AP3B2: variants seen among roughly 807,000 people sequenced by gnomAD.
The protein encoded by AP3B2 is AP-3 complex subunit beta-2.
AP3B2 carries 50 observed loss-of-function variants against 126.9 expected under a neutral mutation model. The observed-to-expected ratio is 0.39, with a 90% CI of 0.31 to 0.50. AP3B2 has a LOEUF of 0.50. Among genes scored for constraint, AP3B2 ranks in the 20% least tolerant of loss-of-function variants. The probability of loss-of-function intolerance (pLI) is 0.79; values close to 1 mark genes in which losing one functional copy is unlikely to be tolerated. For synonymous variants in AP3B2, 541 were observed against 565.0 expected (o/e 0.96, Z 0.60); for missense variants, 1,177 against 1,426.4 (o/e 0.83, Z 2.82).
chr15:82,699,549 G>T lies in AP3B2; in HGVS notation c.113+10045C>A, dbSNP rs189331871. 287 of 399,096 alleles carry T rather than the reference G, an allele frequency of 7.2e-4. 1 individual carries two copies. Among genetic ancestry groups the T allele is most frequent in the African/African-American group, 5.4e-3 (263 of 48,752 alleles). The allele number at this position is 399,096 out of a possible 1,614,324, so 24.7% of individuals were successfully genotyped here. The stretch of plus-strand genomic sequence containing the variant: ...GCCTCCATCAGAGGAGGTGGGACCG[G>T]AAGAGGTCTGGGCTGAGAGTGCAAC... On this transcript the variant is annotated intron_variant, in intron 1 of 26. Coordinates refer to ENST00000535359, the MANE Select transcript of AP3B2 (RefSeq NM_001278512.2).
At chr15:82,703,639 TC>T (rs2048754054) in intron 1 of AP3B2, among the ~76,000 whole-genome samples, 1 of 152,142 alleles carries the variant, frequency 6.6e-6, no homozygotes, top group Non-Finnish European at 1.5e-5. Context: ...GATTTTTCCA[TC>T]CTACAAGATC....
intron 21 of AP3B2, 163 bp downstream of exon 21, chr15:82,663,397 C>T: frequency 1.0e-6 from 1 of 1,001,412 alleles, no homozygotes; most frequent in Non-Finnish European, 1.5e-6. Context: ...AACCCCAGAC[C>T]TGGGGAGGTC....
At chr15:82,692,030 G>A in intron 1 of AP3B2, 1 of 1,471,954 alleles carries the variant, frequency 6.8e-7, no homozygotes, top group Non-Finnish European at 9.4e-7. Flanking sequence ...GCTGCCTGAG[G>A]AAGTCCTGAA....
Position 82,659,752 on chromosome 15 carries a change from T to G in AP3B2, c.3156-42A>C, listed in dbSNP as rs139753266. 2.3e-3 allele frequency: 3,777 copies of G among 1,610,652 alleles called. 15 individuals carry two copies. Among genetic ancestry groups the G allele is most frequent in the Middle Eastern group, 0.019 (114 of 6,050 alleles). Reference sequence around the variant, plus strand: ...AGGGGTGAGGAAGAGCTGCTAAGGGTGACTGTGTTTGGAAGGGGATCAGCA... The same window carrying G: ...AGGGGTGAGGAAGAGCTGCTAAGGGGGACTGTGTTTGGAAGGGGATCAGCA... On this transcript the variant is annotated intron_variant, in intron 26 of 26. Coordinates refer to ENST00000535359, the MANE Select transcript of AP3B2 (RefSeq NM_001278512.2).
At position 82,659,353 on chromosome 15, in the gene AP3B2, T is replaced by G. The variant is rs1283913352; in HGVS notation, c.*207A>C. 9 of 548,552 alleles carry G rather than the reference T, an allele frequency of 1.6e-5. No individual in the cohort carries two copies. Among genetic ancestry groups the G allele is most frequent in the Non-Finnish European group, 2.8e-5 (9 of 316,858 alleles). 34.0% of individuals were successfully genotyped at this position (548,552 alleles called of 1,614,324 possible). On this transcript the variant is annotated 3_prime_UTR_variant, in exon 27 of 27. Transcript: ENST00000535359. ...ATCTGGGAGGACTGAAGGGAGTGGC[T>G]GCCATCTCTCTCTGCACAGATCACT...
intron 1 of AP3B2, chr15:82,691,697 T>C: frequency 6.8e-6 from 10 of 1,469,034 alleles, no homozygotes; most frequent in Non-Finnish European, 9.1e-6. Context: ...ACCTAAAAAA[T>C]AAAGAAAAAA....
chr15:82,670,089 A>T (rs2048126622), intron 14 of AP3B2, among the ~76,000 whole-genome samples: 1 of 138,148 alleles, frequency 7.2e-6, no homozygotes, highest in Non-Finnish European at 1.5e-5. Context: ...AAAAAAAAAA[A>T]AAATCAGTGG....
At position 82,659,719 on chromosome 15, in the gene AP3B2, G is replaced by C. The variant is rs1266081456; in HGVS notation, c.3156-9C>G. ...GTGTCCTCCCTGCAAACCTGAGGTG[G>C]GAATAGAAGGGGTGAGGAAGAGCTG... On this transcript the variant is annotated splice_polypyrimidine_tract_variant and intron_variant, in intron 26 of 26. Coordinates refer to ENST00000535359, the MANE Select transcript of AP3B2 (RefSeq NM_001278512.2). The C allele has an allele frequency of 2.5e-6, 4 of 1,613,538 alleles. No homozygotes were observed. The highest frequency in any genetic ancestry group is 3.4e-6 in the Non-Finnish European group (4 of 1,179,700).
In AP3B2 at chr15:82,680,683, AC is replaced by A; in HGVS notation, c.843del (p.Ser282LeufsTer40). On this transcript the variant is annotated frameshift_variant, in exon 8 of 27. Coordinates refer to ENST00000535359, the MANE Select transcript of AP3B2 (RefSeq NM_001278512.2). LOFTEE classifies it high-confidence loss of function. This position sits in a 1 kb window ranked among gnomAD's most constrained non-coding sequence, Gnocchi z 6.1. ...GCGGCCGCGGCGGCCGTCTCCTCAG[AC>A]CCCGCGCCCTTGGCCTCGTCCTCCT... ...GSEEDEAKGA[G>X]SEETAAAAAP... 1 of 1,575,586 alleles carries A rather than the reference AC, an allele frequency of 6.3e-7. No individual in the cohort carries two copies.
At chr15:82,661,439 C>T (rs1296581963) in intron 25 of AP3B2, among the ~76,000 whole-genome samples, 1 of 152,232 alleles carries the variant, frequency 6.6e-6, no homozygotes, top group African/African-American at 2.4e-5. Context: ...AGCCCACCAC[C>T]TATATGGCCC....
chr15:82,664,483 C>T lies in AP3B2; in HGVS notation c.2145G>A (p.Glu715=), dbSNP rs1269393712. 2 of 1,613,352 alleles carry T rather than the reference C, an allele frequency of 1.2e-6. No individual in the cohort carries two copies. Among genetic ancestry groups the T allele is most frequent in the Admixed American group, 3.3e-5 (2 of 59,950 alleles). The change falls in exon 19 of 27, where the codon GAG becomes GAA. Residue 715 remains glutamate (E), a synonymous_variant. Coordinates refer to ENST00000535359, the MANE Select transcript of AP3B2 (RefSeq NM_001278512.2). This position sits in a 1 kb window ranked among gnomAD's most constrained non-coding sequence, Gnocchi z 4.5. ...TCTTACTGTCCGATTCACTCTCAGA[C>T]TCAGGGTCTGTGGAGGAACAATATG... The part of the protein sequence containing the change: ...GPTESADSDP[E]SESESDSKSS...
chr15:82,671,519 G>A (rs541918827), intron 14 of AP3B2, among the ~76,000 whole-genome samples: 112 of 147,824 alleles, frequency 7.6e-4, no homozygotes, highest in African/African-American at 2.7e-3. Flanking sequence ...TGGGTGGATC[G>A]CGAGGTCAAG....
Position 82,663,959 on chromosome 15 carries a change from C to T in AP3B2, c.2278G>A (p.Asp760Asn), listed in dbSNP as rs555152768. Residue 760 changes from aspartate to asparagine, a missense_variant, in exon 20 of 27, where the codon GAT becomes AAT. Asp to Asn is a conservative substitution (Grantham distance 23). This residue lies in a region of AP3B2 where 587 missense variants were observed against 571.3 expected (regional missense o/e 1.03). Transcript: ENST00000535359. Reference protein sequence around the residue: ...RGSESEQSEEDGKRKTKKKVP... With the variant: ...RGSESEQSEENGKRKTKKKVP... ...TTCTTCTTTGTCTTCCTCTTACCAT[C>T]CTCCTCACTCTGTTCACTGAAGGAG... 6.2e-6 allele frequency: 10 copies of T among 1,604,678 alleles called. No homozygotes were observed. The African/African-American group carries it at 1.2e-4, about 19-fold the overall frequency.
intron 4 of AP3B2, among the ~76,000 whole-genome samples, chr15:82,684,119 C>T (rs2048388402): frequency 6.6e-6 from 1 of 152,218 alleles, no homozygotes; most frequent in African/African-American, 2.4e-5. Context: ...TCACTAGCTG[C>T]ATTGGCCCCT....
rs372570606 is a variant in AP3B2 at position 82,663,228 on chromosome 15, G to T, written c.2503C>A (p.Pro835Thr). The T allele has an allele frequency of 1.2e-6, 2 of 1,611,376 alleles. No homozygotes were observed. Among genetic ancestry groups the T allele is most frequent in the Non-Finnish European group, 1.7e-6 (2 of 1,178,558 alleles). Residue 835 changes from proline to threonine, a missense_variant, in exon 22 of 27, where the codon CCT (proline) becomes ACT (threonine). Physicochemically the swap from Pro to Thr is conservative, Grantham distance 38 (BLOSUM62 -1). Transcript: ENST00000535359. ...GGAGACACAGGCTGGACACTGGGAG[G>T]GGTGACTGTGGGAGTAGATAAGACT... ...ISLLDLEDFT[P>T]PSVQPVSPPA...
chr15:82,674,394 G>C (rs1035596575), intron 14 of AP3B2, among the ~76,000 whole-genome samples: 5 of 152,200 alleles, frequency 3.3e-5, no homozygotes, highest in Non-Finnish European at 4.4e-5. Context: ...ACCATTCTAA[G>C]GGGCCTGCAA....
At chr15:82,669,568 T>TGA (rs1196565319) in intron 14 of AP3B2, among the ~76,000 whole-genome samples, 1 of 151,928 alleles carries the variant, frequency 6.6e-6, no homozygotes, top group Non-Finnish European at 1.5e-5. Context: ...GATGCACACC[T>TGA]GTAGTCCGAG....
intron 23 of AP3B2, 40 bp downstream of exon 23, chr15:82,662,654 C>G: frequency 6.4e-7 from 1 of 1,555,670 alleles, no homozygotes. Context: ...TGACTCTGCC[C>G]AGGAGCCTCC....
intron 3 of AP3B2, 38 bp from the exon 4 acceptor site, chr15:82,688,869 G>T: frequency 6.4e-7 from 1 of 1,554,932 alleles, no homozygotes; most frequent in Non-Finnish European, 8.8e-7. Flanking sequence ...ACGCTTCTCA[G>T]CAGGCACCTG....
Sources: allele counts gnomAD v4.1 joint callset (sites outside exome capture counted in the v4.1 genomes callset), GRCh38; gene constraint gnomAD v4.1.1; regional missense constraint gnomAD v4.1.1; non-coding constraint Gnocchi (gnomAD v3.1); transcripts MANE v1.5; gene names NCBI Gene and HGNC (gene_info 2026-07-23, HGNC 2026-07-21).